The following MKLN1 variants were observed in gnomAD, a reference collection of about 807,000 sequenced individuals.
The protein encoded by MKLN1 is muskelin 1.
In MKLN1, 18 loss-of-function variants were observed where a neutral mutation model predicts 99.0. That is an observed-to-expected ratio of 0.18 (90% CI 0.13 to 0.27). The LOEUF is 0.27. MKLN1 is among the 10% of genes least tolerant of loss of function. The probability of loss-of-function intolerance (pLI) is 1.00; values close to 1 mark genes in which losing one functional copy is unlikely to be tolerated. For missense variants in MKLN1, 621 were observed against 875.9 expected (o/e 0.71, Z 3.67); for synonymous variants, 288 against 293.2 (o/e 0.98, Z 0.18).
At chr7:131,196,366 C>T (rs1054678604) in intron 2 of MKLN1, among the ~76,000 whole-genome samples, 1 of 152,154 alleles carries the variant, frequency 6.6e-6, no homozygotes, top group Non-Finnish European at 1.5e-5. Flanking sequence ...TTATGTCTTT[C>T]TTCAGAACGT....
chr7:131,290,259 C>T (rs4728216), intron 3 of MKLN1, among the ~76,000 whole-genome samples: 107,522 of 152,138 alleles, frequency 0.71, 38,275 homozygotes, highest in Admixed American at 0.77. Context: ...GAGCCGAGAT[C>T]GCACCATTGC....
chr7:131,264,382 G>C (rs1352335128), intron 3 of MKLN1, among the ~76,000 whole-genome samples: 1 of 152,160 alleles, frequency 6.6e-6, no homozygotes, highest in East Asian at 1.9e-4. Flanking sequence ...TTTAAATTTA[G>C]AGTAAGGAAA....
chr7:131,392,388 T>C (rs1346256441), intron 4 of MKLN1, among the ~76,000 whole-genome samples: 1 of 152,098 alleles, frequency 6.6e-6, no homozygotes, highest in Non-Finnish European at 1.5e-5. Flanking sequence ...GGAAGCCCTT[T>C]AGGAGAGCAT....
intron 2 of MKLN1, among the ~76,000 whole-genome samples, chr7:131,173,573 G>T (rs951430944): frequency 9.9e-5 from 15 of 152,180 alleles, no homozygotes; most frequent in African/African-American, 3.6e-4. Flanking sequence ...ACAAAAATTA[G>T]CCTGGCGTGG....
At chr7:131,309,447 C>G (rs1199231740) in intron 3 of MKLN1, among the ~76,000 whole-genome samples, 1 of 151,934 alleles carries the variant, frequency 6.6e-6, no homozygotes, top group Admixed American at 6.6e-5. Flanking sequence ...GTCACCCATG[C>G]TGGAGTGCAA....
At chr7:131,419,252 G>GTT (rs11482221) in intron 8 of MKLN1, among the ~76,000 whole-genome samples, 43,533 of 115,242 alleles carry the variant, frequency 0.38, 9,096 homozygotes, top group Non-Finnish European at 0.45. Context: ...ATATATTTTT[G>GTT]TTTTTTTTTT....
At chr7:131,222,780 G>A (rs546996587) in intron 3 of MKLN1, among the ~76,000 whole-genome samples, 1 of 151,166 alleles carries the variant, frequency 6.6e-6, no homozygotes, top group South Asian at 2.1e-4. Context: ...ATTTTGGGAG[G>A]CCAAGGCAGG....
chr7:131,394,990 TA>T (rs1794315510), intron 4 of MKLN1, among the ~76,000 whole-genome samples: 1 of 152,066 alleles, frequency 6.6e-6, no homozygotes, highest in South Asian at 2.1e-4. Flanking sequence ...AACACTTCAT[TA>T]TGTAATATTT....
intron 3 of MKLN1, among the ~76,000 whole-genome samples, chr7:131,254,411 A>G (rs1026692424): frequency 5.3e-5 from 8 of 152,214 alleles, no homozygotes; most frequent in Non-Finnish European, 1.2e-4. Flanking sequence ...TATGTGACTC[A>G]TAACATAACA....
chr7:131,409,510 G>A (rs1018525985), intron 6 of MKLN1, among the ~76,000 whole-genome samples: 1 of 152,170 alleles, frequency 6.6e-6, no homozygotes, highest in African/African-American at 2.4e-5. Flanking sequence ...TTTGGTGAGC[G>A]TGCCTGTAGG....
exon 2 of MKLN1, chr7:131,142,887 A>G (rs959353602): frequency 1.0e-5 from 13 of 1,303,202 alleles, no homozygotes; most frequent in Middle Eastern, 2.1e-4. Flanking sequence ...CTGACTCCAT[A>G]AACTATTGGA....
In MKLN1 at chr7:131,255,049, T is replaced by C. The variant is rs1397526622; in HGVS notation, c.-179+52075T>C. Among the ~76,000 whole-genome samples the C allele has an allele frequency of 2.6e-5, 4 of 152,026 alleles. 1 individual carries two copies. The South Asian group carries it at 6.3e-4, about 24-fold the overall frequency. ...GAATACAGGCATGTGCCATCATACC[T>C]GGCTAGTTTAAAAAAATTTTTTTTT... On this transcript the variant is annotated intron_variant, in intron 3 of 7. Coordinates refer to the MKLN1 transcript ENST00000416992.
At chr7:131,221,832 T>G (rs1419441120) in intron 3 of MKLN1, among the ~76,000 whole-genome samples, 1 of 150,076 alleles carries the variant, frequency 6.7e-6, no homozygotes, top group African/African-American at 2.5e-5. Flanking sequence ...CTTGCCACTT[T>G]TTAAATGTAA....
chr7:131,215,303 C>A (rs1796964104), intron 3 of MKLN1, among the ~76,000 whole-genome samples: 2 of 152,248 alleles, frequency 1.3e-5, no homozygotes, highest in Admixed American at 6.5e-5. Context: ...ACACCTCAGC[C>A]TCCCAAAGTG....
At chr7:131,433,068 A>G (rs1795573375) in intron 9 of MKLN1, among the ~76,000 whole-genome samples, 1 of 152,196 alleles carries the variant, frequency 6.6e-6, no homozygotes, top group Non-Finnish European at 1.5e-5. Flanking sequence ...AATGTTTTTT[A>G]TAGGCATCCC....
chr7:131,275,537 A>G (rs1319336317), intron 3 of MKLN1, among the ~76,000 whole-genome samples: 1 of 10,546 alleles, frequency 9.5e-5, no homozygotes, highest in Non-Finnish European at 2.5e-4. Flanking sequence ...CCCAGCTGAT[A>G]TATATATATA....
At chr7:131,211,012 A>G (rs1224661644) in intron 3 of MKLN1, among the ~76,000 whole-genome samples, 1 of 151,732 alleles carries the variant, frequency 6.6e-6, no homozygotes, top group Non-Finnish European at 1.5e-5. Flanking sequence ...CCTGGACTAG[A>G]GTATACATTT....
intron 3 of MKLN1, among the ~76,000 whole-genome samples, chr7:131,280,965 T>C (rs183800234): frequency 6.6e-6 from 1 of 152,344 alleles, no homozygotes; most frequent in African/African-American, 2.4e-5. Context: ...AGATACATGA[T>C]TTGCAAAGAT....
chr7:131,122,143 A>G (rs1009816514), intron 1 of MKLN1, among the ~76,000 whole-genome samples: 4 of 152,264 alleles, frequency 2.6e-5, no homozygotes, highest in African/African-American at 9.6e-5. Flanking sequence ...TGACCCACAC[A>G]TAATAAATGA....
Sources: allele counts gnomAD v4.1 joint callset (sites outside exome capture counted in the v4.1 genomes callset), GRCh38; gene constraint gnomAD v4.1.1; transcripts MANE v1.5; gene names NCBI Gene and HGNC (gene_info 2026-07-23, HGNC 2026-07-21).